Variants in MYLK observed in about 807,000 individuals in gnomAD.
MYLK encodes myosin light chain kinase, smooth muscle.
MYLK carries 106 observed loss-of-function variants against 203.4 expected under a neutral mutation model. The ratio of observed to expected loss-of-function variants is 0.52; its 90% CI spans 0.45 to 0.61. The LOEUF (loss-of-function observed/expected upper bound fraction) is 0.61, where lower values mean the gene tolerates loss of function less well. MYLK is among the 20% of genes least tolerant of loss of function. MYLK has a pLI of 0.00. For synonymous variants in MYLK, 867 were observed against 959.5 expected (o/e 0.90, Z 1.78); for missense variants, 2,072 against 2,442.3 (o/e 0.85, Z 3.20).
intron 16 of MYLK, among the ~76,000 whole-genome samples, chr3:123,702,578 C>T (rs546030564): frequency 8.5e-5 from 13 of 152,342 alleles, no homozygotes; most frequent in African/African-American, 3.1e-4. Context: ...GACCCAATAG[C>T]AGATGTGCCA....
intron 3 of MYLK, among the ~76,000 whole-genome samples, chr3:123,796,724 C>A (rs2093444808): frequency 6.6e-6 from 1 of 152,004 alleles, no homozygotes; most frequent in South Asian, 2.1e-4. Context: ...TAAAAATGAA[C>A]CAAAACATTT....
chr3:123,734,661 C>A, intron 9 of MYLK: 1 of 159,028 alleles, frequency 6.3e-6, no homozygotes, highest in Admixed American at 6.0e-5. Flanking sequence ...CTGAGCCCCA[C>A]AAGAGGGCCC....
At chr3:123,671,474 G>A (rs2059910280) in intron 20 of MYLK, among the ~76,000 whole-genome samples, 1 of 152,200 alleles carries the variant, frequency 6.6e-6, no homozygotes, top group African/African-American at 2.4e-5. Flanking sequence ...AGCAGGAGGA[G>A]TGTCGCCACA....
chr3:123,722,158 C>A lies in MYLK; in HGVS notation c.1774G>T (p.Val592Leu). Reference protein sequence around the residue: ...TCLAENALGQVSCSAWVTVHE... With the variant: ...TCLAENALGQLSCSAWVTVHE... ...ACGGTGACCCAGGCGCTGCAGGACA[C>A]CTGCCCCAAGGCATTCTCAGCTAGG... The change falls in exon 13 of 34, where the codon GTG becomes TTG. Residue 592 changes from valine (V) to leucine (L), a missense_variant. Physicochemically the swap from Val to Leu is conservative, Grantham distance 32 (BLOSUM62 1). Coordinates refer to ENST00000360304, the MANE Select transcript of MYLK (RefSeq NM_053025.4). The A allele has an allele frequency of 1.3e-6, 2 of 1,565,406 alleles. No homozygotes were observed. The highest frequency in any genetic ancestry group is 1.7e-6 in the Non-Finnish European group (2 of 1,154,734).
chr3:123,818,512 A>G (rs1338723124), intron 3 of MYLK, among the ~76,000 whole-genome samples: 1 of 152,106 alleles, frequency 6.6e-6, no homozygotes, highest in Non-Finnish European at 1.5e-5. Context: ...CAACACGGCA[A>G]ACCACAACTC....
chr3:123,804,277 G>T (rs1285994724), intron 3 of MYLK, among the ~76,000 whole-genome samples: 1 of 152,190 alleles, frequency 6.6e-6, no homozygotes. Flanking sequence ...GAGAGGGCTA[G>T]CAAGTGGGTT....
rs72972317 is a variant in MYLK at position 123,766,250 on chromosome 3, G to A, written c.166-13712C>T. Among the ~76,000 whole-genome samples the A allele has an allele frequency of 2.4e-3, 371 of 152,292 alleles. 2 individuals are homozygous for A. Among genetic ancestry groups the A allele is most frequent in the African/African-American group, 8.3e-3 (346 of 41,572 alleles). On this transcript the variant is annotated intron_variant, in intron 4 of 33. Coordinates refer to ENST00000360304, the MANE Select transcript of MYLK (RefSeq NM_053025.4). The stretch of plus-strand genomic sequence containing the variant: ...TCTCTGTTTTGAAAATTTCCAATGA[G>A]TTCTCATTGTGCTATGAATAAGACC...
At chr3:123,730,607 A>T (rs942772706) in intron 11 of MYLK, among the ~76,000 whole-genome samples, 1 of 152,246 alleles carries the variant, frequency 6.6e-6, no homozygotes, top group African/African-American at 2.4e-5. Context: ...CTGCTACAAC[A>T]CAGATGAACC....
chr3:123,688,920 T>A (rs1203907088), intron 19 of MYLK, among the ~76,000 whole-genome samples: 1 of 152,218 alleles, frequency 6.6e-6, no homozygotes, highest in Non-Finnish European at 1.5e-5. Flanking sequence ...TACCTGAGGA[T>A]ATGACACAGC....
intron 4 of MYLK, among the ~76,000 whole-genome samples, chr3:123,787,253 C>T (rs540921822): frequency 2.6e-5 from 4 of 152,136 alleles, no homozygotes; most frequent in South Asian, 4.1e-4. Flanking sequence ...CCTGAGGCTG[C>T]GTAGAATGGA....
chr3:123,734,985 TA>T, intron 9 of MYLK: 1 of 318,702 alleles, frequency 3.1e-6, no homozygotes, highest in Non-Finnish European at 6.2e-6. Context: ...AGCCCTCCTC[TA>T]CGCCCACCCC....
At position 123,801,181 on chromosome 3, in the gene MYLK, G is replaced by A. The variant is rs1307481950; in HGVS notation, c.-3-7337C>T. Among the ~76,000 whole-genome samples the A allele has an allele frequency of 2.0e-5, 3 of 152,158 alleles. No individual in the cohort carries two copies. In the East Asian group the frequency reaches 5.8e-4, roughly 29 times the overall value. ...CAGCTACTAGAAAACTCCACTGTAC[G>A]CTTGAAAGAGAATGAGAGTGAAATA... On this transcript the variant is annotated intron_variant, in intron 3 of 33. Transcript: ENST00000360304.
At chr3:123,711,924 G>A (rs1212394431) in intron 13 of MYLK, among the ~76,000 whole-genome samples, 3 of 152,318 alleles carry the variant, frequency 2.0e-5, no homozygotes, top group Non-Finnish European at 2.9e-5. Flanking sequence ...CACTGCCACT[G>A]AAAATGAAAG....
At chr3:123,760,192 T>G (rs931012687) in intron 4 of MYLK, among the ~76,000 whole-genome samples, 1 of 151,578 alleles carries the variant, frequency 6.6e-6, no homozygotes, top group Admixed American at 6.6e-5. Flanking sequence ...ATGTATGTAT[T>G]TATGAGACAG....
chr3:123,774,851 C>CAT, intron 4 of MYLK, among the ~76,000 whole-genome samples: 2 of 152,190 alleles, frequency 1.3e-5, no homozygotes, highest in East Asian at 3.9e-4. Flanking sequence ...GACCATAGAG[C>CAT]ATAGGGTCTT....
At chr3:123,751,927 C>G (rs891250798) in intron 5 of MYLK, among the ~76,000 whole-genome samples, 5 of 152,188 alleles carry the variant, frequency 3.3e-5, no homozygotes, top group African/African-American at 1.2e-4. Flanking sequence ...GGCCCTGTAG[C>G]CTTGCTCAAA....
chr3:123,779,358 T>G (rs2064204300), intron 4 of MYLK, among the ~76,000 whole-genome samples: 1 of 152,228 alleles, frequency 6.6e-6, no homozygotes, highest in Admixed American at 6.5e-5. Flanking sequence ...CCTAATGCCT[T>G]TTAAGTCAGG....
chr3:123,644,088 C>G (rs1188459234), intron 27 of MYLK, among the ~76,000 whole-genome samples: 1 of 152,220 alleles, frequency 6.6e-6, no homozygotes, highest in Non-Finnish European at 1.5e-5. Context: ...ACATTCATTA[C>G]TATTTCCCAC....
chr3:123,739,434 A>C (rs1035710658), intron 6 of MYLK, among the ~76,000 whole-genome samples: 1 of 152,144 alleles, frequency 6.6e-6, no homozygotes, highest in Non-Finnish European at 1.5e-5. Context: ...TCTCTCGTCC[A>C]CTCTGCTGGT....
Sources: allele counts gnomAD v4.1 joint callset (sites outside exome capture counted in the v4.1 genomes callset), GRCh38; gene constraint gnomAD v4.1.1; transcripts MANE v1.5; gene names NCBI Gene and HGNC (gene_info 2026-07-23, HGNC 2026-07-21).